Variants in MALAT1 observed in about 807,000 individuals in gnomAD.
MALAT1 encodes metastasis associated lung adenocarcinoma transcript 1, also known as hepcarcin.
intron 1 of MALAT1, chr11:65,497,895 C>T (rs1854424714): frequency 1.9e-6 from 1 of 518,672 alleles, no homozygotes. Flanking sequence ...TCCGGGAGCC[C>T]AGGTTTCCCA....
At chr11:65,499,222 C>T (rs765893010) in exon 3 of MALAT1, 3 of 503,798 alleles carry the variant, frequency 6.0e-6, no homozygotes, top group East Asian at 5.5e-5. Flanking sequence ...ATTTTAATAG[C>T]TTAAGATTTT....
exon 3 of MALAT1, chr11:65,499,260 T>G (rs1286141948): frequency 1.9e-6 from 1 of 513,092 alleles, no homozygotes; most frequent in Non-Finnish European, 3.9e-6. Context: ...CTTAGAAGAG[T>G]AGCATGAGGA....
intron 3 of MALAT1, chr11:65,504,355 T>G: frequency 1.9e-6 from 1 of 517,654 alleles, no homozygotes; most frequent in Non-Finnish European, 3.9e-6. Context: ...TGTCTTGACT[T>G]CAGGTCTGTC....
At chr11:65,505,897 G>A in intron 3 of MALAT1, 1 of 434,692 alleles carries the variant, frequency 2.3e-6, no homozygotes, top group African/African-American at 2.0e-5. Context: ...GCATTTGAGT[G>A]GCTGAGAGGG....
exon 3 of MALAT1, chr11:65,502,228 T>C (rs747967133): frequency 3.9e-5 from 20 of 518,910 alleles, no homozygotes; most frequent in East Asian, 3.3e-4. Context: ...ACTACAATTA[T>C]GGGAAATGCA....
At chr11:65,501,572 T>C (rs1320042300) in exon 3 of MALAT1, 2 of 518,752 alleles carry the variant, frequency 3.9e-6, no homozygotes, top group Non-Finnish European at 7.7e-6. Flanking sequence ...AGAAAATGTT[T>C]TTTTCTAAGA....
chr11:65,501,625 G>A (rs959764020), exon 3 of MALAT1: 1 of 518,854 alleles, frequency 1.9e-6, no homozygotes, highest in Admixed American at 1.9e-5. Flanking sequence ...CTGGGTTAGA[G>A]AAGGAGTGTA....
chr11:65,504,555 T>C, intron 3 of MALAT1: 1 of 518,942 alleles, frequency 1.9e-6, no homozygotes, highest in Non-Finnish European at 3.8e-6. Context: ...GCAGTCGTAT[T>C]TGTGATTGAA....
chr11:65,499,188 G>C (rs1305544611), exon 3 of MALAT1: 1 of 505,922 alleles, frequency 2.0e-6, no homozygotes, highest in South Asian at 1.5e-5. Context: ...CTAAGATATT[G>C]CTTAGCGTTA....
At chr11:65,500,975 G>A (rs766804604) in exon 3 of MALAT1, 2 of 513,188 alleles carry the variant, frequency 3.9e-6, no homozygotes, top group South Asian at 1.4e-5. Context: ...AGACTGCCAA[G>A]TCCTGGAGAA....
intron 3 of MALAT1, chr11:65,505,828 C>T (rs774655301): frequency 2.0e-6 from 1 of 495,524 alleles, no homozygotes; most frequent in Non-Finnish European, 4.0e-6. Context: ...GGAGAAATAA[C>T]ATGTTCAAGA....
chr11:65,498,465 TC>T, intron 1 of MALAT1: 1 of 518,622 alleles, frequency 1.9e-6, no homozygotes, highest in South Asian at 1.4e-5. Context: ...TTTTCACGTT[TC>T]TAAGATTTCC....
rs376437246 is a variant in MALAT1, at chr11:65,498,480, GCAGA to G, written n.179-198_179-195del. The G allele has an allele frequency of 1.6e-3, 844 of 518,682 alleles. 6 individuals are homozygous for G. Among genetic ancestry groups the G allele is most frequent in the African/African-American group, 0.014 (705 of 52,042 alleles). 32.1% of individuals were successfully genotyped at this position (518,682 alleles called of 1,614,324 possible). A position where few individuals can be genotyped will look rare whatever the true frequency, so the allele number is the denominator to read the frequency against. The stretch of plus-strand genomic sequence containing the variant: ...TTTTCACGTTTCTAAGATTTCCCAA[GCAGA>G]CAGCCCGTGCTGCTCCGATTTCTCG... On this transcript the variant is annotated intron_variant and non_coding_transcript_variant, in intron 1 of 3. Transcript: ENST00000619449.
exon 3 of MALAT1, chr11:65,501,254 T>C (rs763920217): frequency 1.7e-5 from 9 of 515,598 alleles, no homozygotes; most frequent in South Asian, 5.7e-5. Flanking sequence ...GGGCAAAATA[T>C]GTTTTCAGTT....
At chr11:65,503,452 C>T (rs1427356317) in exon 3 of MALAT1, 1 of 517,242 alleles carries the variant, frequency 1.9e-6, no homozygotes, top group Non-Finnish European at 3.9e-6. Flanking sequence ...GTGATCAGTG[C>T]CTTGATGCCA....
chr11:65,498,691 T>C (rs1160227796), exon 2 of MALAT1: 1 of 518,396 alleles, frequency 1.9e-6, no homozygotes, highest in South Asian at 1.4e-5. Flanking sequence ...GGTGGTAAAC[T>C]ATACCTACTG....
At chr11:65,500,277 CT>C (rs778842356) in exon 3 of MALAT1, 5 of 518,700 alleles carry the variant, frequency 9.6e-6, no homozygotes, top group Non-Finnish European at 1.9e-5. Context: ...ATGTGAAGGA[CT>C]TTCGTAACGG....
At chr11:65,503,909 G>C in intron 3 of MALAT1, 1 of 517,532 alleles carries the variant, frequency 1.9e-6, no homozygotes. Flanking sequence ...TAGACAGGTG[G>C]GAGATTATGA....
exon 3 of MALAT1, chr11:65,499,160 AAT>A (rs1565674104): frequency 2.0e-6 from 1 of 512,418 alleles, no homozygotes; most frequent in South Asian, 1.4e-5. Flanking sequence ...CTACTTAAAA[AAT>A]ATAGTCAATA....
Sources: gnomAD v4.1 joint callset for allele counts on GRCh38, gnomAD v4.1.1 for gene constraint, MANE v1.5 for transcripts, NCBI Gene and HGNC (gene_info 2026-07-23, HGNC 2026-07-21) for gene names.